Variants in C1orf21 observed in about 807,000 individuals in gnomAD.
C1orf21 encodes the protein chromosome 1 open reading frame 21, also known as uncharacterized protein C1orf21.
A neutral mutation model predicts 18.7 loss-of-function variants in C1orf21; 3 were observed. The ratio of observed to expected loss-of-function variants is 0.16; its 90% CI spans 0.07 to 0.42. The LOEUF (loss-of-function observed/expected upper bound fraction) is 0.42. Among genes scored for constraint, C1orf21 ranks in the 10% least tolerant of loss-of-function variants. The probability of loss-of-function intolerance (pLI) is 0.99; values close to 1 mark genes in which losing one functional copy is unlikely to be tolerated. For missense variants in C1orf21, 104 were observed against 143.6 expected (o/e 0.72, Z 1.41); for synonymous variants, 41 against 46.4 (o/e 0.88, Z 0.47).
intron 2 of C1orf21, among the ~76,000 whole-genome samples, chr1:184,495,743 A>G (rs1161733087): frequency 6.6e-6 from 1 of 151,914 alleles, no homozygotes; most frequent in Non-Finnish European, 1.5e-5. Context: ...AAGATGGTGA[A>G]ACCCCATCTC....
chr1:184,558,185 G>A (rs1658906157), intron 3 of C1orf21, among the ~76,000 whole-genome samples: 1 of 152,174 alleles, frequency 6.6e-6, no homozygotes, highest in Admixed American at 6.5e-5. Context: ...TACAGTAGAA[G>A]TCACCTTAGC....
chr1:184,548,740 T>C (rs1331338365), intron 3 of C1orf21, among the ~76,000 whole-genome samples: 1 of 152,214 alleles, frequency 6.6e-6, no homozygotes, highest in East Asian at 1.9e-4. Flanking sequence ...GAGAAGGAAC[T>C]AAAGTATTCA....
At chr1:184,391,597 A>G (rs921561423) in intron 1 of C1orf21, among the ~76,000 whole-genome samples, 15 of 152,218 alleles carry the variant, frequency 9.9e-5, no homozygotes, top group Admixed American at 5.2e-4. Context: ...ATAAATGTGT[A>G]TGGTAGTTTA....
intron 3 of C1orf21, chr1:184,568,394 C>G (rs1659064254): frequency 2.1e-6 from 1 of 469,218 alleles, no homozygotes; most frequent in South Asian, 1.6e-5. Flanking sequence ...TCGCTGTTCC[C>G]AGTCACTGGC....
At chr1:184,463,962 A>G (rs1230042394) in intron 1 of C1orf21, among the ~76,000 whole-genome samples, 3 of 152,190 alleles carry the variant, frequency 2.0e-5, no homozygotes, top group Non-Finnish European at 2.9e-5. Context: ...TTTGAATAAC[A>G]GATGGAGATT....
At chr1:184,572,243 A>C (rs902712823) in intron 3 of C1orf21, among the ~76,000 whole-genome samples, 1 of 152,256 alleles carries the variant, frequency 6.6e-6, no homozygotes, top group Non-Finnish European at 1.5e-5. Context: ...AAGAATATAC[A>C]TAAGACCTCA....
chr1:184,542,851 CT>C (rs1658675295), intron 3 of C1orf21, among the ~76,000 whole-genome samples: 1 of 152,168 alleles, frequency 6.6e-6, no homozygotes, highest in South Asian at 2.1e-4. Context: ...ACTCTCCTGG[CT>C]TTTTGGAGAC....
At chr1:184,524,209 G>A (rs897085938) in intron 3 of C1orf21, among the ~76,000 whole-genome samples, 1 of 152,036 alleles carries the variant, frequency 6.6e-6, no homozygotes, top group Non-Finnish European at 1.5e-5. Flanking sequence ...CAAAGAGCAG[G>A]TACTAATAAA....
rs1056635852 is a variant in C1orf21 at position 184,623,662 on chromosome 1, T to C, written c.*4106T>C. 2.0e-5 allele frequency: 3 copies of C among 152,628 alleles called. No homozygotes were observed. Among genetic ancestry groups the C allele is most frequent in the African/African-American group, 7.2e-5 (3 of 41,452 alleles). The allele number at this position is 152,628 out of a possible 1,614,324, so 9.5% of individuals were successfully genotyped here. On this transcript the variant is annotated 3_prime_UTR_variant, in exon 6 of 6. Transcript: ENST00000235307. ...TAGGCAGTCGGCTGTCACACTCACATGTGCCTGCAATAAACCTTTTGGAAT... is the reference window on the plus strand; with the variant it reads ...TAGGCAGTCGGCTGTCACACTCACACGTGCCTGCAATAAACCTTTTGGAAT...
In C1orf21 at chr1:184,495,917, C is replaced by CAAA. The variant is rs764285547; in HGVS notation, c.95-11650_95-11648dup. Among the ~76,000 whole-genome samples the CAAA allele has an allele frequency of 8.4e-3, 429 of 50,824 alleles. 6 individuals carry two copies. Among genetic ancestry groups the CAAA allele is most frequent in the African/African-American group, 0.029 (410 of 13,988 alleles). 33.3% of individuals were successfully genotyped at this position (50,824 alleles called of 152,430 possible). A position where few individuals can be genotyped will look rare whatever the true frequency, so the allele number is the denominator to read the frequency against. Reference sequence around the variant, plus strand: ...TGGGTGACAGAGTGAGACTCTGTCTCAAAAAAAAAAAAAAAAAAAAAAAGA... The same window carrying CAAA: ...TGGGTGACAGAGTGAGACTCTGTCTCAAAAAAAAAAAAAAAAAAAAAAAAAAGA... On this transcript the variant is annotated intron_variant, in intron 2 of 5. Coordinates refer to ENST00000235307, the MANE Select transcript of C1orf21 (RefSeq NM_030806.4).
rs149067082 is a variant in C1orf21 at position 184,502,290 on chromosome 1, G to A, written c.95-5298G>A. Among the ~76,000 whole-genome samples the A allele has an allele frequency of 2.9e-3, 441 of 152,296 alleles. 1 individual carries two copies. Among genetic ancestry groups the A allele is most frequent in the African/African-American group, 0.01 (421 of 41,570 alleles). On this transcript the variant is annotated intron_variant, in intron 2 of 5. Coordinates refer to ENST00000235307, the MANE Select transcript of C1orf21 (RefSeq NM_030806.4). ...ATGGCAGAAAGTGGAAAGCAAGCAG[G>A]CTAAATTCACGCCTGCAAGGCCTTT...
rs566064868 is a variant in C1orf21 at position 184,581,574 on chromosome 1, T to C, written c.190-9165T>C. Among the ~76,000 whole-genome samples the C allele has an allele frequency of 1.2e-4, 18 of 152,348 alleles. 1 individual carries two copies. The South Asian group carries it at 2.9e-3, about 25-fold the overall frequency. On this transcript the variant is annotated intron_variant, in intron 3 of 5. Coordinates refer to ENST00000235307, the MANE Select transcript of C1orf21 (RefSeq NM_030806.4). Reference sequence around the variant, plus strand: ...TTTCTGTGTGTGTATATAATACTTATTTGAAAAACTTGGAGATATATTATC... The same window carrying C: ...TTTCTGTGTGTGTATATAATACTTACTTGAAAAACTTGGAGATATATTATC...
intron 5 of C1orf21, among the ~76,000 whole-genome samples, chr1:184,616,451 T>C (rs1315853977): frequency 6.6e-6 from 1 of 152,258 alleles, no homozygotes; most frequent in African/African-American, 2.4e-5. Context: ...CTCCTTTGTT[T>C]AGTAATGATA....
At chr1:184,508,162 ACATT>A (rs1178180925) in intron 3 of C1orf21, among the ~76,000 whole-genome samples, 1 of 152,192 alleles carries the variant, frequency 6.6e-6, no homozygotes, top group African/African-American at 2.4e-5. Context: ...TCAGTACTTC[ACATT>A]CACAATATTA....
rs891679084 is a variant in C1orf21, at chr1:184,548,650, A to G, written c.189+40968A>G. On this transcript the variant is annotated intron_variant, in intron 3 of 5. Coordinates refer to ENST00000235307, the MANE Select transcript of C1orf21 (RefSeq NM_030806.4). Reference sequence around the variant, plus strand: ...CTGTGAACTTCCATGAGAAAAAAAAATTACATCTTTATTTTCACTAACCTT... The same window carrying G: ...CTGTGAACTTCCATGAGAAAAAAAAGTTACATCTTTATTTTCACTAACCTT... 4.6e-5 allele frequency among the ~76,000 whole-genome samples: 7 copies of G among 152,270 alleles called. No individual in the cohort carries two copies. The East Asian group carries it at 1.4e-3, about 29-fold the overall frequency.
chr1:184,625,232 C>T lies in C1orf21; in HGVS notation c.*5676C>T, dbSNP rs1571308926. 6.6e-6 allele frequency: 1 copy of T among 152,380 alleles called. No homozygotes were observed. Among genetic ancestry groups the T allele is most frequent in the South Asian group, 2.1e-4 (1 of 4,818 alleles). The allele number at this position is 152,380 out of a possible 1,614,324, so 9.4% of individuals were successfully genotyped here. ...TAAGACTTAGAGGCAGTATAAAGAA[C>T]ACCATAAACTTAGGCAGAGGTCCCT... is the stretch of plus-strand genomic sequence containing the variant. On this transcript the variant is annotated 3_prime_UTR_variant, in exon 6 of 6. Coordinates refer to ENST00000235307, the MANE Select transcript of C1orf21 (RefSeq NM_030806.4).
At chr1:184,584,012 C>G (rs1029535527) in intron 3 of C1orf21, among the ~76,000 whole-genome samples, 62 of 152,214 alleles carry the variant, frequency 4.1e-4, no homozygotes, top group African/African-American at 1.4e-3. Flanking sequence ...GCTCTCAGCC[C>G]CCTCTGCTGG....
At chr1:184,449,214 A>ATG (rs1657081314) in intron 1 of C1orf21, among the ~76,000 whole-genome samples, 1 of 130,720 alleles carries the variant, frequency 7.6e-6, no homozygotes, top group Non-Finnish European at 1.6e-5. Context: ...CCCACCCTAC[A>ATG]ACAGGCCCCG....
intron 1 of C1orf21, among the ~76,000 whole-genome samples, chr1:184,410,275 C>A (rs77286723): frequency 0.019 from 2,867 of 152,018 alleles, 98 homozygotes; most frequent in African/African-American, 0.064. Context: ...CAGGATTATG[C>A]TGAGATAAAG....
Sources: allele counts gnomAD v4.1 joint callset (sites outside exome capture counted in the v4.1 genomes callset), GRCh38; gene constraint gnomAD v4.1.1; transcripts MANE v1.5; gene names NCBI Gene and HGNC (gene_info 2026-07-23, HGNC 2026-07-21).